PDE7B: variants seen among roughly 807,000 people sequenced by gnomAD.
PDE7B encodes the protein phosphodiesterase 7B, also known as 3',5'-cyclic-AMP phosphodiesterase 7B.
PDE7B carries 29 observed loss-of-function variants against 56.2 expected under a neutral mutation model. The observed-to-expected ratio is 0.52, with a 90% confidence interval of 0.38 to 0.70. The LOEUF (loss-of-function observed/expected upper bound fraction) is 0.70. PDE7B is among the 30% of genes least tolerant of loss of function. The pLI, the probability that PDE7B is intolerant of heterozygous loss-of-function variation, is 0.00. For missense variants in PDE7B, 490 were observed against 565.0 expected, an observed-to-expected ratio of 0.87 and a Z score of 1.35; for synonymous variants, 197 against 196.9, an observed-to-expected ratio of 1.00 and a Z score of 0.00.
chr6:136,038,580 C>T (rs539157390), intron 2 of PDE7B: 2 of 1,219,376 alleles, frequency 1.6e-6, no homozygotes, highest in African/African-American at 1.6e-5. Context: ...TGATAACTAA[C>T]TCCCTTTCTT....
chr6:135,945,625 A>AT (rs1774583704), intron 1 of PDE7B, among the ~76,000 whole-genome samples: 1 of 152,152 alleles, frequency 6.6e-6, no homozygotes, highest in Non-Finnish European at 1.5e-5. Flanking sequence ...ACATCCAGGA[A>AT]TTTTTTCCCC....
At chr6:136,160,272 T>C (rs1158543482) in intron 8 of PDE7B, among the ~76,000 whole-genome samples, 1 of 152,202 alleles carries the variant, frequency 6.6e-6, no homozygotes, top group Non-Finnish European at 1.5e-5. Flanking sequence ...TGTGGTATTC[T>C]AGAACCGGTT....
At chr6:135,981,861 A>G (rs1002836964) in intron 2 of PDE7B, among the ~76,000 whole-genome samples, 2 of 152,156 alleles carry the variant, frequency 1.3e-5, no homozygotes, top group East Asian at 1.9e-4. Flanking sequence ...CTCATTATCA[A>G]ATATCATGTG....
At chr6:136,066,567 T>C (rs191457033) in intron 2 of PDE7B, among the ~76,000 whole-genome samples, 41 of 152,314 alleles carry the variant, frequency 2.7e-4, no homozygotes, top group African/African-American at 9.1e-4. Context: ...TTCAGCCCTT[T>C]CGCTATGCAG....
intron 2 of PDE7B, among the ~76,000 whole-genome samples, chr6:136,090,874 A>G (rs1054145548): frequency 3.3e-5 from 5 of 152,198 alleles, no homozygotes; most frequent in African/African-American, 9.7e-5. Context: ...TTCATACTCT[A>G]TCAATCACTA....
At chr6:135,982,349 C>T (rs1483841095) in intron 2 of PDE7B, among the ~76,000 whole-genome samples, 5 of 152,072 alleles carry the variant, frequency 3.3e-5, no homozygotes, top group Admixed American at 1.3e-4. Context: ...TTTTTTCTCT[C>T]GGCCCAGACA....
At chr6:136,143,777 G>T (rs1778366973) in intron 3 of PDE7B, among the ~76,000 whole-genome samples, 1 of 151,968 alleles carries the variant, frequency 6.6e-6, no homozygotes, top group South Asian at 2.1e-4. Flanking sequence ...CTACACTTAG[G>T]ATATGTCACT....
chr6:135,959,683 G>A (rs181572473), intron 2 of PDE7B, among the ~76,000 whole-genome samples: 103 of 152,122 alleles, frequency 6.8e-4, no homozygotes, highest in Admixed American at 4.3e-3. Context: ...AATGCCAAGA[G>A]GACTCTGGGT....
At chr6:136,013,146 T>C (rs1310244020) in intron 2 of PDE7B, among the ~76,000 whole-genome samples, 1 of 152,246 alleles carries the variant, frequency 6.6e-6, no homozygotes, top group Non-Finnish European at 1.5e-5. Flanking sequence ...ACTTTTTTCA[T>C]CTTTTTTATT....
At chr6:135,964,871 G>A (rs942273341) in intron 2 of PDE7B, among the ~76,000 whole-genome samples, 1 of 152,252 alleles carries the variant, frequency 6.6e-6, no homozygotes, top group East Asian at 1.9e-4. Context: ...CAGTGGCACA[G>A]TGGCTCATGC....
At chr6:135,929,211 A>G (rs925096588) in intron 1 of PDE7B, among the ~76,000 whole-genome samples, 4 of 152,192 alleles carry the variant, frequency 2.6e-5, no homozygotes, top group African/African-American at 7.2e-5. Flanking sequence ...CAGTTTTAAA[A>G]GTGACTTGTT....
intron 2 of PDE7B, among the ~76,000 whole-genome samples, chr6:136,097,777 G>A (rs1221877169): frequency 6.6e-6 from 1 of 151,956 alleles, no homozygotes; most frequent in Non-Finnish European, 1.5e-5. Flanking sequence ...TTTGCACCGT[G>A]TCTCATCCCG....
intron 3 of PDE7B, among the ~76,000 whole-genome samples, chr6:136,139,012 A>C (rs1375427761): frequency 6.6e-6 from 1 of 152,102 alleles, no homozygotes; most frequent in Non-Finnish European, 1.5e-5. Context: ...GTACATGTGC[A>C]CGATGTGCAG....
chr6:135,916,880 T>C (rs1773962215), intron 1 of PDE7B, among the ~76,000 whole-genome samples: 1 of 151,896 alleles, frequency 6.6e-6, no homozygotes, highest in African/African-American at 2.4e-5. Context: ...TTTAATATAA[T>C]TTATAATACA....
At chr6:135,966,645 C>G (rs760441167) in intron 2 of PDE7B, among the ~76,000 whole-genome samples, 5 of 152,068 alleles carry the variant, frequency 3.3e-5, no homozygotes, top group Non-Finnish European at 7.4e-5. Flanking sequence ...CTCTGATGCC[C>G]TTTTTGTCTG....
intron 2 of PDE7B, among the ~76,000 whole-genome samples, chr6:136,032,287 G>A (rs1359676316): frequency 1.3e-5 from 2 of 152,122 alleles, no homozygotes; most frequent in Non-Finnish European, 2.9e-5. Context: ...CACATTTTGT[G>A]TTTAGTCACT....
chr6:135,963,440 C>G (rs1464342734), intron 2 of PDE7B, among the ~76,000 whole-genome samples: 1 of 152,140 alleles, frequency 6.6e-6, no homozygotes, highest in Non-Finnish European at 1.5e-5. Context: ...CTATATAACT[C>G]TGAGTGTCCT....
intron 2 of PDE7B, among the ~76,000 whole-genome samples, chr6:135,998,623 G>C (rs1336970468): frequency 6.6e-6 from 1 of 152,134 alleles, no homozygotes; most frequent in East Asian, 1.9e-4. Context: ...AGGCGTGGTG[G>C]TGGGTGCCTG....
chr6:135,983,286 T>G (rs977898675), intron 2 of PDE7B, among the ~76,000 whole-genome samples: 2 of 152,208 alleles, frequency 1.3e-5, no homozygotes, highest in Non-Finnish European at 2.9e-5. Flanking sequence ...TACCATGGGC[T>G]GAACTGACTT....
Sources: allele counts gnomAD v4.1 joint callset (sites outside exome capture counted in the v4.1 genomes callset), GRCh38; gene constraint gnomAD v4.1.1; transcripts MANE v1.5; gene names NCBI Gene and HGNC (gene_info 2026-07-23, HGNC 2026-07-21).